Variants in BICC1 observed in about 807,000 individuals in gnomAD.
The protein encoded by BICC1 is protein bicaudal C homolog 1.
Under a neutral mutation model 111.0 loss-of-function variants are expected in BICC1, and 43 were observed. The observed-to-expected ratio is 0.39, with a 90% CI of 0.30 to 0.50. The LOEUF is 0.50. BICC1 is among the 20% of genes least tolerant of loss of function. BICC1 has a pLI of 0.88. For synonymous variants in BICC1, 467 were observed against 434.4 expected (o/e 1.07, Z -0.93); for missense variants, 1,091 against 1,203.2 (o/e 0.91, Z 1.38).
At chr10:58,555,193 C>T (rs935640424) in intron 1 of BICC1, among the ~76,000 whole-genome samples, 4 of 151,348 alleles carry the variant, frequency 2.6e-5, no homozygotes, top group Middle Eastern at 6.8e-3. Flanking sequence ...ATTACCTTTA[C>T]TTTCAGTGCA....
At chr10:58,634,135 G>T (rs984325808) in intron 2 of BICC1, among the ~76,000 whole-genome samples, 1 of 151,762 alleles carries the variant, frequency 6.6e-6, no homozygotes, top group Admixed American at 6.6e-5. Flanking sequence ...GGGATTACAG[G>T]TGCACGCCAC....
Position 58,513,041 on chromosome 10 carries a change from A to C in BICC1, c.-103A>C. The C allele has an allele frequency of 1.6e-5, 14 of 867,168 alleles. No individual in the cohort carries two copies. Among genetic ancestry groups the C allele is most frequent in the Non-Finnish European group, 1.9e-5 (13 of 666,894 alleles). The allele number at this position is 867,168 out of a possible 1,614,324, so 53.7% of individuals were successfully genotyped here. A position where few individuals can be genotyped will look rare whatever the true frequency, so the allele number is the denominator to read the frequency against. On this transcript the variant is annotated 5_prime_UTR_variant, in exon 1 of 21. An upstream open reading frame in the 5' UTR loses its in-frame stop. Coordinates refer to ENST00000373886, the MANE Select transcript of BICC1 (RefSeq NM_001080512.3). The stretch of plus-strand genomic sequence containing the variant: ...GTCGGCGGCTGCAGGGGGACGAGCT[A>C]GCGCCGCGGCGCTGGGAGCCAGTTG...
chr10:58,663,824 A>G (rs896501507), intron 2 of BICC1, among the ~76,000 whole-genome samples: 3 of 152,168 alleles, frequency 2.0e-5, no homozygotes, highest in Admixed American at 6.5e-5. Context: ...ATCATATGCT[A>G]TAGTCTTTTG....
chr10:58,752,695 G>A lies in BICC1; in HGVS notation c.308-32306G>A, dbSNP rs78227656. On this transcript the variant is annotated intron_variant, in intron 3 of 20. Transcript: ENST00000373886. The stretch of plus-strand genomic sequence containing the variant: ...TTTCAAGAGCACATCTGCCCTGAAT[G>A]CTAAAGGACATTTCAAAACCATAGT... Among the ~76,000 whole-genome samples the A allele has an allele frequency of 5.8e-3, 883 of 152,288 alleles. 3 individuals carry two copies. Among genetic ancestry groups the A allele is most frequent in the Non-Finnish European group, 8.5e-3 (579 of 68,030 alleles).
intron 3 of BICC1, among the ~76,000 whole-genome samples, chr10:58,770,777 G>A (rs1220063600): frequency 6.6e-6 from 1 of 152,232 alleles, no homozygotes; most frequent in Non-Finnish European, 1.5e-5. Flanking sequence ...CTCTGCACCA[G>A]CATGTGATGT....
chr10:58,823,659 T>C, intron 20 of BICC1: 36 of 985,142 alleles, frequency 3.7e-5, no homozygotes, highest in Non-Finnish European at 4.3e-5. Context: ...TAAAGGAGAA[T>C]GTTGTTTGGC....
In BICC1 at chr10:58,829,622, C is replaced by A. The variant is rs1844501676; in HGVS notation, c.*731C>A. On this transcript the variant is annotated 3_prime_UTR_variant, in exon 21 of 21. Transcript: ENST00000373886. ...TTCATGTATGTTAGCATCCTAGAAA[C>A]ACCTAGCAATGGACCTAGTTCACAG... is the stretch of plus-strand genomic sequence containing the variant. The A allele has an allele frequency of 6.6e-6, 1 of 152,112 alleles. No individual in the cohort carries two copies. The highest frequency in any genetic ancestry group is 2.4e-5 in the African/African-American group (1 of 41,426). 9.4% of individuals were successfully genotyped at this position (152,112 alleles called of 1,614,324 possible).
chr10:58,770,840 G>A (rs998660538), intron 3 of BICC1, among the ~76,000 whole-genome samples: 1 of 152,116 alleles, frequency 6.6e-6, no homozygotes, highest in Non-Finnish European at 1.5e-5. Flanking sequence ...AGAGGGATTC[G>A]GAGATTATGT....
At chr10:58,810,629 A>G (rs778857075) in intron 17 of BICC1, among the ~76,000 whole-genome samples, 2 of 152,066 alleles carry the variant, frequency 1.3e-5, no homozygotes, top group African/African-American at 4.8e-5. Context: ...TTATTCTTCT[A>G]TAGCTCAGAA....
Position 58,567,020 on chromosome 10 carries a change from A to G in BICC1, c.190+53687A>G, listed in dbSNP as rs1189254380. The stretch of plus-strand genomic sequence containing the variant: ...AATAATAAAAAGGTGTAAAAACCTG[A>G]AAACTGATTGTACTCTGGTAATAGG... On this transcript the variant is annotated intron_variant, in intron 1 of 20. Coordinates refer to ENST00000373886, the MANE Select transcript of BICC1 (RefSeq NM_001080512.3). Among the ~76,000 whole-genome samples, 3 of 152,278 alleles carry G rather than the reference A, an allele frequency of 2.0e-5. No individual in the cohort carries two copies. The East Asian group carries it at 5.8e-4, about 29-fold the overall frequency.
intron 2 of BICC1, chr10:58,648,463 T>TAGAA (rs1838337196): frequency 1.0e-6 from 1 of 957,558 alleles, no homozygotes; most frequent in Admixed American, 6.2e-5. Flanking sequence ...CAGAGTTATG[T>TAGAA]TCTCTGGCAT....
rs751380195 is a variant in BICC1, at chr10:58,813,953, A to G, written c.2500A>G (p.Ile834Val). The change falls in exon 18 of 21, where the codon ATT becomes GTT. Residue 834 changes from isoleucine (I) to valine (V), a missense_variant. Physicochemically the swap from Ile to Val is conservative, Grantham distance 29 (BLOSUM62 3). Around this residue, in one of 3 missense-constraint regions of BICC1, gnomAD observed 231 missense variants for 256.2 expected, o/e 0.90. Transcript: ENST00000373886. ...PGSHSEFAASIGSPKRKQNKS... is the reference protein window; with the variant it reads ...PGSHSEFAASVGSPKRKQNKS... The stretch of plus-strand genomic sequence containing the variant: ...AAGTCATAGTGAATTTGCAGCTTCT[A>G]TTGGCAGCCCTAAGCGTAAACAAAA... 13 of 1,614,042 alleles carry G rather than the reference A, an allele frequency of 8.1e-6. No individual in the cohort carries two copies. Among genetic ancestry groups the G allele is most frequent in the South Asian group, 7.7e-5 (7 of 91,080 alleles).
intron 3 of BICC1, among the ~76,000 whole-genome samples, chr10:58,712,531 G>C (rs910142612): frequency 1.3e-5 from 2 of 152,118 alleles, no homozygotes; most frequent in African/African-American, 4.8e-5. Context: ...AAAAAGATAT[G>C]AGCTATCAAA....
chr10:58,581,954 C>G (rs1421382520), intron 1 of BICC1, among the ~76,000 whole-genome samples: 2 of 152,052 alleles, frequency 1.3e-5, no homozygotes, highest in South Asian at 2.1e-4. Context: ...ATTTTGTCCT[C>G]TCTCCCACCA....
At chr10:58,776,170 A>G (rs1842743646) in intron 3 of BICC1, among the ~76,000 whole-genome samples, 1 of 152,208 alleles carries the variant, frequency 6.6e-6, no homozygotes, top group Non-Finnish European at 1.5e-5. Flanking sequence ...TAAAGAGATC[A>G]TGTATATGGT....
intron 8 of BICC1, 101 bp from the exon 9 acceptor site, chr10:58,793,383 A>T (rs1198755455): frequency 1.8e-6 from 2 of 1,125,410 alleles, no homozygotes; most frequent in East Asian, 5.0e-5. Context: ...TTTAGTCTTT[A>T]AATCTGTAAA....
chr10:58,823,841 C>A (rs1399491228), intron 20 of BICC1: 1 of 985,058 alleles, frequency 1.0e-6, no homozygotes, highest in East Asian at 1.1e-4. Flanking sequence ...ATAAGTTTGC[C>A]TTTAAATATA....
chr10:58,730,060 T>C (rs909280945), intron 3 of BICC1, among the ~76,000 whole-genome samples: 10 of 152,114 alleles, frequency 6.6e-5, no homozygotes, highest in Non-Finnish European at 1.3e-4. Context: ...GTCCAAAGTC[T>C]CAGGTCTCAT....
intron 3 of BICC1, among the ~76,000 whole-genome samples, chr10:58,713,664 A>T (rs2132493742): frequency 6.6e-6 from 1 of 152,346 alleles, no homozygotes; most frequent in Middle Eastern, 3.4e-3. Flanking sequence ...CACACACAAA[A>T]AATAAAGATT....
Sources: allele counts gnomAD v4.1 joint callset (sites outside exome capture counted in the v4.1 genomes callset), GRCh38; gene constraint gnomAD v4.1.1; regional missense constraint gnomAD v4.1.1; transcripts MANE v1.5; gene names NCBI Gene and HGNC (gene_info 2026-07-23, HGNC 2026-07-21).